Variants in MB21D2 observed in about 807,000 individuals in gnomAD.
MB21D2 encodes the protein Mab-21 domain containing 2.
Under a neutral mutation model 33.3 loss-of-function variants are expected in MB21D2, and 9 were observed. The observed-to-expected ratio is 0.27, with a 90% CI of 0.16 to 0.47. The LOEUF (loss-of-function observed/expected upper bound fraction) is 0.47. Ranked by LOEUF, MB21D2 falls within the 20% of genes least tolerant of loss-of-function variation. The probability of loss-of-function intolerance (pLI) is 0.99; values close to 1 mark genes in which losing one functional copy is unlikely to be tolerated. For synonymous variants in MB21D2, 241 were observed against 236.3 expected (o/e 1.02, Z -0.18); for missense variants, 540 against 624.6 (o/e 0.86, Z 1.44).
At chr3:192,814,694 C>G (rs1711878536) in intron 1 of MB21D2, among the ~76,000 whole-genome samples, 1 of 147,784 alleles carries the variant, frequency 6.8e-6, no homozygotes, top group Non-Finnish European at 1.5e-5. Context: ...AACCCTGTCT[C>G]TACTAAAAAA....
chr3:192,826,352 AT>A (rs1712173706), intron 1 of MB21D2, among the ~76,000 whole-genome samples: 2 of 152,208 alleles, frequency 1.3e-5, no homozygotes, highest in Non-Finnish European at 2.9e-5. Context: ...GGAAAGGAAA[AT>A]TGAGTCAAGG....
chr3:192,908,283 C>G (rs1714254728), intron 1 of MB21D2, among the ~76,000 whole-genome samples: 2 of 152,218 alleles, frequency 1.3e-5, no homozygotes, highest in South Asian at 4.1e-4. Context: ...GCATGACCCC[C>G]TGGGTGCTGC....
chr3:192,834,626 G>A (rs1712394159), intron 1 of MB21D2, among the ~76,000 whole-genome samples: 1 of 151,848 alleles, frequency 6.6e-6, no homozygotes, highest in Admixed American at 6.6e-5. Context: ...TCTCAGCCAA[G>A]GAACAAAAAC....
intron 1 of MB21D2, among the ~76,000 whole-genome samples, chr3:192,852,850 T>A (rs1712836140): frequency 6.6e-6 from 1 of 152,342 alleles, no homozygotes; most frequent in Middle Eastern, 3.4e-3. Flanking sequence ...CCTCTGTCTG[T>A]AGCATTCTCA....
Position 192,798,503 on chromosome 3 carries a change from A to G in MB21D2, c.1359T>C (p.Arg453=), listed in dbSNP as rs1458029026. Residue 453 remains arginine, a synonymous_variant, in exon 2 of 2, where the codon CGT becomes CGC. Transcript: ENST00000392452. This position sits in a 1 kb window ranked among gnomAD's most constrained non-coding sequence, Gnocchi z 4.8. ...DGGDPNQPDD[R]LAKKLQQLVT... Reference sequence around the variant, plus strand: ...CTAGCTGCTGCAGTTTTTTTGCCAAACGGTCATCAGGCTGGTTGGGGTCCC... The same window carrying G: ...CTAGCTGCTGCAGTTTTTTTGCCAAGCGGTCATCAGGCTGGTTGGGGTCCC... 1 of 1,614,178 alleles carries G rather than the reference A, an allele frequency of 6.2e-7. No individual in the cohort carries two copies. Among genetic ancestry groups the G allele is most frequent in the Non-Finnish European group, 8.5e-7 (1 of 1,180,028 alleles).
At chr3:192,893,732 C>A (rs576821267) in intron 1 of MB21D2, among the ~76,000 whole-genome samples, 32 of 152,258 alleles carry the variant, frequency 2.1e-4, no homozygotes, top group African/African-American at 7.0e-4. Flanking sequence ...TCCCGTCCCC[C>A]ACATCTTTAA....
At chr3:192,883,516 T>A (rs1031827290) in intron 1 of MB21D2, among the ~76,000 whole-genome samples, 7 of 152,126 alleles carry the variant, frequency 4.6e-5, no homozygotes, top group Non-Finnish European at 8.8e-5. Flanking sequence ...AACATGGCTT[T>A]TAGCTTAGTT....
At chr3:192,875,245 A>G (rs1289119236) in intron 1 of MB21D2, among the ~76,000 whole-genome samples, 2 of 152,166 alleles carry the variant, frequency 1.3e-5, no homozygotes, top group Non-Finnish European at 1.5e-5. Context: ...TACTCTCCAA[A>G]TGTCAGCTTC....
intron 1 of MB21D2, among the ~76,000 whole-genome samples, chr3:192,898,293 CA>C (rs1714021716): frequency 6.6e-6 from 1 of 150,896 alleles, no homozygotes; most frequent in Admixed American, 6.6e-5. Flanking sequence ...TAAACTTAAG[CA>C]TCCTCCTGCC....
chr3:192,855,188 TC>T (rs1226978749), intron 1 of MB21D2, among the ~76,000 whole-genome samples: 8 of 152,164 alleles, frequency 5.3e-5, no homozygotes, highest in Non-Finnish European at 8.8e-5. Flanking sequence ...AAGCTCTGTC[TC>T]CCAGGTTCAA....
Position 192,834,682 on chromosome 3 carries a change from G to A in MB21D2, c.212-35032C>T, listed in dbSNP as rs1430512128. Among the ~76,000 whole-genome samples the A allele has an allele frequency of 2.6e-5, 4 of 152,124 alleles. 1 individual carries two copies. The highest frequency in any genetic ancestry group is 2.6e-4 in the Admixed American group (4 of 15,280). On this transcript the variant is annotated intron_variant, in intron 1 of 1. Coordinates refer to ENST00000392452, the MANE Select transcript of MB21D2 (RefSeq NM_178496.4). Reference sequence around the variant, plus strand: ...AGAAGTGCCAGCTGTTCTACCGTGAGAGCAAGACAAACTGGGAACACAAAT... The same window carrying A: ...AGAAGTGCCAGCTGTTCTACCGTGAAAGCAAGACAAACTGGGAACACAAAT...
chr3:192,839,791 G>GA (rs1712528443), intron 1 of MB21D2, among the ~76,000 whole-genome samples: 1 of 152,170 alleles, frequency 6.6e-6, no homozygotes, highest in Non-Finnish European at 1.5e-5. Context: ...AATCTATACA[G>GA]AAAACAACCT....
intron 1 of MB21D2, among the ~76,000 whole-genome samples, chr3:192,836,200 T>A (rs1055416077): frequency 2.0e-5 from 3 of 152,228 alleles, no homozygotes; most frequent in African/African-American, 4.8e-5. Flanking sequence ...CTAACAGAGA[T>A]AATCTCAGAG....
intron 1 of MB21D2, among the ~76,000 whole-genome samples, chr3:192,910,386 G>A (rs1321055890): frequency 2.6e-5 from 4 of 152,094 alleles, no homozygotes; most frequent in Non-Finnish European, 4.4e-5. Context: ...GCTGAGGTAG[G>A]AGGATCGCTT....
At chr3:192,891,971 T>C (rs1713861904) in intron 1 of MB21D2, among the ~76,000 whole-genome samples, 1 of 152,126 alleles carries the variant, frequency 6.6e-6, no homozygotes, top group Admixed American at 6.5e-5. Context: ...ACTGCTTGGT[T>C]TGTAGAATGG....
chr3:192,843,414 A>G (rs548429407), intron 1 of MB21D2, among the ~76,000 whole-genome samples: 1 of 152,280 alleles, frequency 6.6e-6, no homozygotes, highest in East Asian at 1.9e-4. Context: ...CTATGATCAG[A>G]CAAGGAGACT....
intron 1 of MB21D2, among the ~76,000 whole-genome samples, chr3:192,875,383 GA>G (rs541828780): frequency 2.6e-4 from 40 of 152,300 alleles, no homozygotes; most frequent in Admixed American, 1.5e-3. Flanking sequence ...TATGGTGAAA[GA>G]AAACAGAAAA....
At chr3:192,819,903 G>C (rs1712007216) in intron 1 of MB21D2, among the ~76,000 whole-genome samples, 1 of 152,166 alleles carries the variant, frequency 6.6e-6, no homozygotes, top group Non-Finnish European at 1.5e-5. Context: ...CTGCTCTGGG[G>C]ACAAGCTCTG....
intron 1 of MB21D2, among the ~76,000 whole-genome samples, chr3:192,911,240 G>GT (rs76218803): frequency 0.013 from 1,843 of 145,752 alleles, 14 homozygotes; most frequent in African/African-American, 0.02. Context: ...GTTCACCACA[G>GT]TTTTTTTTTT....
Sources: allele counts gnomAD v4.1 joint callset (sites outside exome capture counted in the v4.1 genomes callset), GRCh38; gene constraint gnomAD v4.1.1; non-coding constraint Gnocchi (gnomAD v3.1); transcripts MANE v1.5; gene names NCBI Gene and HGNC (gene_info 2026-07-23, HGNC 2026-07-21).